Variants in FCMR observed in about 807,000 individuals in gnomAD.
FCMR encodes the protein Fc mu receptor, also known as immunoglobulin mu Fc receptor.
In FCMR, 34 loss-of-function variants were observed where a neutral mutation model predicts 41.6. That is an observed-to-expected ratio of 0.82 (90% CI 0.62 to 1.09). The LOEUF is 1.09. FCMR is among the 50% of genes least tolerant of loss of function. FCMR has a pLI of 0.00. For missense variants in FCMR, 496 were observed against 512.5 expected (o/e 0.97, Z 0.31); for synonymous variants, 209 against 211.8 (o/e 0.99, Z 0.12).
intron 3 of FCMR, 98 bp downstream of exon 3, chr1:206,912,831 G>C (rs1036627711): frequency 1.2e-6 from 1 of 849,430 alleles, no homozygotes; most frequent in Middle Eastern, 3.0e-4. Context: ...GCTCAGCTCT[G>C]CCAGCCACTC....
At chr1:206,906,120 C>T (rs1678634677) in intron 7 of FCMR, 2 of 482,704 alleles carry the variant, frequency 4.1e-6, no homozygotes, top group African/African-American at 2.0e-5. Context: ...TAGCACTCCA[C>T]TTAGATGATA....
intron 1 of FCMR, among the ~76,000 whole-genome samples, chr1:206,919,079 T>C (rs1345256442): frequency 6.6e-6 from 1 of 152,048 alleles, no homozygotes; most frequent in Admixed American, 6.6e-5. Flanking sequence ...CTTCCTCTCA[T>C]CCCTTCCTCC....
At position 206,909,619 on chromosome 1, in the gene FCMR, A is replaced by C; in HGVS notation, c.986-99T>G. 7.8e-7 allele frequency: 1 copy of C among 1,288,760 alleles called. No individual in the cohort carries two copies. Among genetic ancestry groups the C allele is most frequent in the Non-Finnish European group, 9.9e-7 (1 of 1,005,594 alleles). The allele number at this position is 1,288,760 out of a possible 1,614,324, so 79.8% of individuals were successfully genotyped here. ...CCACCCCCGCCCCACTCCCAGCTCC[A>C]CCCTGTGGGAAGCCCTGGCACCTGG... is the stretch of plus-strand genomic sequence containing the variant. On this transcript the variant is annotated intron_variant, in intron 6 of 7. Coordinates refer to ENST00000367091, the MANE Select transcript of FCMR (RefSeq NM_005449.5). The surrounding 1 kb of genome is among the most constrained non-coding windows in gnomAD (Gnocchi z 5.0).
intron 4 of FCMR, among the ~76,000 whole-genome samples, chr1:206,911,447 T>G (rs1678936706): frequency 6.6e-6 from 1 of 152,194 alleles, no homozygotes; most frequent in Non-Finnish European, 1.5e-5. Context: ...TTAATTTTAT[T>G]TTTATTCTCA....
At position 206,909,615 on chromosome 1, in the gene FCMR, C is replaced by T; in HGVS notation, c.986-95G>A. ...AGCTCCACCCCCGCCCCACTCCCAG[C>T]TCCACCCTGTGGGAAGCCCTGGCAC... On this transcript the variant is annotated intron_variant, in intron 6 of 7. Coordinates refer to ENST00000367091, the MANE Select transcript of FCMR (RefSeq NM_005449.5). The surrounding 1 kb of genome is among the most constrained non-coding windows in gnomAD (Gnocchi z 5.0). 1 of 1,298,116 alleles carries T rather than the reference C, an allele frequency of 7.7e-7. No individual in the cohort carries two copies. Among genetic ancestry groups the T allele is most frequent in the Non-Finnish European group, 9.9e-7 (1 of 1,011,940 alleles). The allele number at this position is 1,298,116 out of a possible 1,614,324, so 80.4% of individuals were successfully genotyped here.
intron 1 of FCMR, among the ~76,000 whole-genome samples, chr1:206,918,741 T>C (rs60421429): frequency 0.013 from 1,986 of 151,790 alleles, 51 homozygotes; most frequent in African/African-American, 0.046. Flanking sequence ...GTATTATTAT[T>C]ATCATTAGTC....
rs183256917 is a variant in FCMR at position 206,913,381 on chromosome 1, A to G, written c.374-339T>C. Among the ~76,000 whole-genome samples the G allele has an allele frequency of 2.6e-5, 4 of 152,314 alleles. No individual in the cohort carries two copies. The East Asian group carries it at 7.7e-4, about 29-fold the overall frequency. On this transcript the variant is annotated intron_variant, in intron 2 of 7. Transcript: ENST00000367091. The stretch of plus-strand genomic sequence containing the variant: ...ACAGAGTAATAAGATTGGCCTATAA[A>G]TGTGGCTGGATAAATTAGTGTCTTT...
intron 2 of FCMR, among the ~76,000 whole-genome samples, chr1:206,913,249 C>G (rs1227796307): frequency 1.3e-5 from 2 of 152,154 alleles, no homozygotes; most frequent in Non-Finnish European, 2.9e-5. Context: ...GCAAAACCAG[C>G]AGAGGTCATT....
At chr1:206,905,247 G>A in intron 7 of FCMR, 100 bp from the exon 8 acceptor site, 1 of 1,361,296 alleles carries the variant, frequency 7.3e-7, no homozygotes, top group Non-Finnish European at 1.0e-6. Context: ...GGACATGGCT[G>A]CTGAGTTCCA....
chr1:206,906,811 A>C (rs1171726170), intron 7 of FCMR, among the ~76,000 whole-genome samples: 1 of 151,872 alleles, frequency 6.6e-6, no homozygotes, highest in Admixed American at 6.6e-5. Flanking sequence ...TGCTGGAAAG[A>C]CGGAGTAGAC....
chr1:206,912,884 A>T, intron 3 of FCMR, 45 bp downstream of exon 3: 1 of 1,308,868 alleles, frequency 7.6e-7, no homozygotes, highest in Non-Finnish European at 1.1e-6. Flanking sequence ...TCACATTGCC[A>T]CAGCATCTCA....
chr1:206,921,894 G>A lies in FCMR; in HGVS notation c.-40C>T, dbSNP rs374615590. On this transcript the variant is annotated 5_prime_UTR_variant, in exon 1 of 8. Transcript: ENST00000367091. ...TGCAAGGTCCATCCAAGAGCCCCTA[G>A]AGAGGGGGATGGAGACACGCTGCTT... 1 of 1,598,678 alleles carries A rather than the reference G, an allele frequency of 6.3e-7. No homozygotes were observed. The highest frequency in any genetic ancestry group is 1.3e-5 in the African/African-American group (1 of 74,580).
At chr1:206,918,489 C>T (rs1461490673) in intron 1 of FCMR, among the ~76,000 whole-genome samples, 1 of 152,164 alleles carries the variant, frequency 6.6e-6, no homozygotes, top group Non-Finnish European at 1.5e-5. Flanking sequence ...GTGGACCCTA[C>T]TTGAATGTGT....
At position 206,904,816 on chromosome 1, in the gene FCMR, C is replaced by T. The variant is rs1309155610; in HGVS notation, c.*203G>A. ...ATGCCTACAGCTTACCTGTCAACTA[C>T]AGGGGGCTGCCAAGGTGTGCAAGAC... On this transcript the variant is annotated 3_prime_UTR_variant, in exon 8 of 8. Transcript: ENST00000367091. 8 of 585,700 alleles carry T rather than the reference C, an allele frequency of 1.4e-5. No individual in the cohort carries two copies. The highest frequency in any genetic ancestry group is 2.5e-5 in the Non-Finnish European group (8 of 326,414). The allele number at this position is 585,700 out of a possible 1,614,324, so 36.3% of individuals were successfully genotyped here.
chr1:206,917,098 A>G (rs1000668506), intron 1 of FCMR, among the ~76,000 whole-genome samples: 9 of 152,358 alleles, frequency 5.9e-5, no homozygotes, highest in African/African-American at 2.2e-4. Context: ...GGCTTAAAGA[A>G]TCACTCTCAA....
At chr1:206,916,716 A>G (rs1263489913) in intron 1 of FCMR, among the ~76,000 whole-genome samples, 1 of 152,250 alleles carries the variant, frequency 6.6e-6, no homozygotes, top group Non-Finnish European at 1.5e-5. Flanking sequence ...GAAAACAGAG[A>G]AAAGACAGAT....
Position 206,909,816 on chromosome 1 carries a change from G to A in FCMR, c.894C>T (p.Ser298=). The change falls in exon 6 of 8, where the codon AGC becomes AGT. Residue 298 remains serine, a synonymous_variant. Coordinates refer to ENST00000367091, the MANE Select transcript of FCMR (RefSeq NM_005449.5). This position sits in a 1 kb window ranked among gnomAD's most constrained non-coding sequence, Gnocchi z 5.0. ...RLAVRMRALE[S]SQRPRGSPRP... is the part of the protein sequence containing the mutation. Reference sequence around the variant, plus strand: ...GCGGCGACCCGCGGGGCCTCTGGGAGCTCTCCAGGGCGCGCATCCTCACGG... The same window carrying A: ...GCGGCGACCCGCGGGGCCTCTGGGAACTCTCCAGGGCGCGCATCCTCACGG... 1 of 1,415,922 alleles carries A rather than the reference G, an allele frequency of 7.1e-7. No homozygotes were observed. Among genetic ancestry groups the A allele is most frequent in the Non-Finnish European group, 9.1e-7 (1 of 1,093,226 alleles). The allele number at this position is 1,415,922 out of a possible 1,614,324, so 87.7% of individuals were successfully genotyped here. A position where few individuals can be genotyped will look rare whatever the true frequency, so the allele number is the denominator to read the frequency against.
Position 206,911,730 on chromosome 1 carries a change from C to G in FCMR, c.710G>C (p.Arg237Thr), listed in dbSNP as rs1000837926. 1.2e-6 allele frequency: 2 copies of G among 1,611,308 alleles called. No individual in the cohort carries two copies. Among genetic ancestry groups the G allele is most frequent in the Non-Finnish European group, 1.7e-6 (2 of 1,179,370 alleles). Reference protein sequence around the residue: ...YNHHTRLHRQRALDYGSQSGR... With the variant: ...YNHHTRLHRQTALDYGSQSGR... ...TAGATCCTGGACAGTGGTCTCTTAC[C>G]TCTGCCTGTGCAGCCTGGTGTGGTG... is the stretch of plus-strand genomic sequence containing the variant. The change falls in exon 4 of 8, where the codon AGA becomes ACA. Residue 237 changes from arginine to threonine, a missense_variant and splice_region_variant. Arg to Thr is a moderately conservative substitution (Grantham distance 71). Transcript: ENST00000367091.
intron 1 of FCMR, among the ~76,000 whole-genome samples, chr1:206,918,729 A>G (rs1679302937): frequency 6.7e-6 from 1 of 149,846 alleles, no homozygotes; most frequent in South Asian, 2.1e-4. Context: ...GTATGTATGT[A>G]TGTATTATTA....
Sources: allele counts gnomAD v4.1 joint callset (sites outside exome capture counted in the v4.1 genomes callset), GRCh38; gene constraint gnomAD v4.1.1; non-coding constraint Gnocchi (gnomAD v3.1); transcripts MANE v1.5; gene names NCBI Gene and HGNC (gene_info 2026-07-23, HGNC 2026-07-21).